Variants in CRB1 observed in about 807,000 individuals in gnomAD.
CRB1 encodes crumbs cell polarity complex component 1, also known as protein crumbs homolog 1.
Under a neutral mutation model 120.0 loss-of-function variants are expected in CRB1, and 83 were observed. That is an observed-to-expected ratio of 0.69 (90% CI 0.58 to 0.83). The LOEUF is 0.83. Ranked by LOEUF, CRB1 falls within the 40% of genes least tolerant of loss-of-function variation. The pLI, the probability that CRB1 is intolerant of heterozygous loss-of-function variation, is 0.00. For synonymous variants in CRB1, 625 were observed against 612.5 expected, an observed-to-expected ratio of 1.02 and a Z score of -0.30; for missense variants, 1,699 against 1,687.6, an observed-to-expected ratio of 1.01 and a Z score of -0.12.
chr1:197,344,000 C>A (rs1307617569), intron 2 of CRB1, among the ~76,000 whole-genome samples: 1 of 152,186 alleles, frequency 6.6e-6, no homozygotes, highest in African/African-American at 2.4e-5. Flanking sequence ...AACAAAAGTG[C>A]AGTTAACAAT....
intron 11 of CRB1, among the ~76,000 whole-genome samples, chr1:197,456,061 T>A (rs760394203): frequency 6.6e-6 from 1 of 152,152 alleles, no homozygotes; most frequent in East Asian, 1.9e-4. Context: ...GCTACAAATA[T>A]GTTACTTTTA....
At chr1:197,262,800 A>G in the CRB1 span, among the ~76,000 whole-genome samples, 3 of 152,138 alleles carry the variant, frequency 2.0e-5, no homozygotes, top group Non-Finnish European at 4.4e-5. Flanking sequence ...CTCTTCCTGC[A>G]TCATTTTGCT....
chr1:197,243,031 AT>A, the CRB1 span, among the ~76,000 whole-genome samples: 1 of 151,502 alleles, frequency 6.6e-6, no homozygotes, highest in African/African-American at 2.4e-5. Context: ...CCCCTTTATC[AT>A]TTTTTATTGC....
intron 1 of CRB1, among the ~76,000 whole-genome samples, chr1:197,302,322 G>T (rs1003437906): frequency 6.6e-6 from 1 of 152,122 alleles, no homozygotes; most frequent in African/African-American, 2.4e-5. Context: ...GTTTTTGCAG[G>T]CATAATGCAA....
At chr1:197,298,786 ATG>A (rs992781855) in intron 1 of CRB1, among the ~76,000 whole-genome samples, 1 of 152,134 alleles carries the variant, frequency 6.6e-6, no homozygotes, top group African/African-American at 2.4e-5. Flanking sequence ...AACAGAACAA[ATG>A]GCATTAAAAT....
intron 1 of CRB1, among the ~76,000 whole-genome samples, chr1:197,307,760 G>A (rs1657257381): frequency 6.6e-6 from 1 of 152,158 alleles, no homozygotes; most frequent in Non-Finnish European, 1.5e-5. Context: ...GATGCAGTAG[G>A]TCAGAGCCCC....
chr1:197,201,538 C>G, the CRB1 span, among the ~76,000 whole-genome samples: 1 of 152,232 alleles, frequency 6.6e-6, no homozygotes, highest in Non-Finnish European at 1.5e-5. Context: ...CACGCCGAAT[C>G]CGTTACTCCG....
intron 1 of CRB1, among the ~76,000 whole-genome samples, chr1:197,315,751 C>A (rs1472337214): frequency 6.6e-6 from 1 of 152,166 alleles, no homozygotes; most frequent in East Asian, 1.9e-4. Context: ...TCAGTTTATT[C>A]AAAGTAACTT....
At chr1:197,454,790 A>G (rs1212159179) in intron 11 of CRB1, among the ~76,000 whole-genome samples, 2 of 152,152 alleles carry the variant, frequency 1.3e-5, no homozygotes, top group Non-Finnish European at 2.9e-5. Context: ...ACGATACTGG[A>G]CTTACGGAAA....
the CRB1 span, among the ~76,000 whole-genome samples, chr1:197,250,607 G>GGCGT: frequency 6.6e-6 from 1 of 151,990 alleles, no homozygotes; most frequent in African/African-American, 2.4e-5. Context: ...CAGCATTAGG[G>GGCGT]GCGTAGAGAG....
At chr1:197,319,454 A>AAAG (rs1558050883) in intron 1 of CRB1, among the ~76,000 whole-genome samples, 11 of 140,236 alleles carry the variant, frequency 7.8e-5, no homozygotes, top group African/African-American at 3.1e-4. Context: ...AAAAAAAAAA[A>AAAG]AAAAGAAAGA....
intron 2 of CRB1, among the ~76,000 whole-genome samples, chr1:197,340,749 G>A (rs1436173090): frequency 6.6e-6 from 1 of 152,114 alleles, no homozygotes; most frequent in African/African-American, 2.4e-5. Context: ...GAGAGTTTTG[G>A]CAGGGATGGG....
chr1:197,328,019 C>A (rs561649748), intron 1 of CRB1, among the ~76,000 whole-genome samples: 3 of 152,282 alleles, frequency 2.0e-5, no homozygotes, highest in African/African-American at 7.2e-5. Flanking sequence ...ATTTTGCAGC[C>A]TATATAATTT....
At chr1:197,367,771 C>T (rs74998957) in intron 5 of CRB1, among the ~76,000 whole-genome samples, 1 of 152,270 alleles carries the variant, frequency 6.6e-6, no homozygotes, top group African/African-American at 2.4e-5. Flanking sequence ...ACATTGTTGC[C>T]TCTGAGGCTG....
At chr1:197,211,956 T>C in the CRB1 span, among the ~76,000 whole-genome samples, 2 of 152,058 alleles carry the variant, frequency 1.3e-5, no homozygotes, top group East Asian at 1.9e-4. Context: ...ACATATATAC[T>C]AATATAAAAT....
chr1:197,415,554 C>A (rs189253591), intron 5 of CRB1, among the ~76,000 whole-genome samples: 14 of 151,832 alleles, frequency 9.2e-5, no homozygotes, highest in Admixed American at 4.6e-4. Context: ...GCTTTCCCAT[C>A]GATGAGTGTT....
At chr1:197,255,299 T>A in the CRB1 span, among the ~76,000 whole-genome samples, 5 of 152,224 alleles carry the variant, frequency 3.3e-5, no homozygotes, top group African/African-American at 1.2e-4. Context: ...ATTTTCCTTA[T>A]GAAATTATGT....
At chr1:197,359,187 A>C (rs1660645025) in intron 5 of CRB1, among the ~76,000 whole-genome samples, 1 of 152,146 alleles carries the variant, frequency 6.6e-6, no homozygotes, top group South Asian at 2.1e-4. Flanking sequence ...CAAAGTCCAC[A>C]TCCAGAACAA....
intron 3 of CRB1, among the ~76,000 whole-genome samples, chr1:197,345,143 A>T (rs1643904662): frequency 6.6e-6 from 1 of 152,246 alleles, no homozygotes; most frequent in Non-Finnish European, 1.5e-5. Context: ...TACTTATTTA[A>T]GCCACGACAC....
Sources: allele counts gnomAD v4.1 joint callset (sites outside exome capture counted in the v4.1 genomes callset), GRCh38; gene constraint gnomAD v4.1.1; transcripts MANE v1.5; gene names NCBI Gene and HGNC (gene_info 2026-07-23, HGNC 2026-07-21).